Variants in DPP10 observed in about 807,000 individuals in gnomAD.
DPP10 encodes the protein dipeptidyl peptidase like 10, also known as inactive dipeptidyl peptidase 10.
In DPP10, 33 loss-of-function variants were observed where a neutral mutation model predicts 120.9. The observed-to-expected ratio is 0.27, with a 90% confidence interval of 0.21 to 0.37. The LOEUF (loss-of-function observed/expected upper bound fraction) is 0.37, where lower values mean the gene tolerates loss of function less well. DPP10 is among the 10% of genes least tolerant of loss of function. DPP10 has a pLI of 1.00. For synonymous variants in DPP10, 337 were observed against 326.1 expected (o/e 1.03, Z -0.36); for missense variants, 816 against 942.8 (o/e 0.87, Z 1.76).
chr2:114,579,922 G>A (rs943633733), intron 1 of DPP10, among the ~76,000 whole-genome samples: 1 of 152,146 alleles, frequency 6.6e-6, no homozygotes. Context: ...AAGGATGTAG[G>A]CAGCTGTTGC....
chr2:114,729,765 C>T (rs924664690), intron 1 of DPP10, among the ~76,000 whole-genome samples: 6 of 152,202 alleles, frequency 3.9e-5, no homozygotes, highest in Admixed American at 6.5e-5. Flanking sequence ...ATGTGGAACA[C>T]GTCCTCAAAC....
At chr2:115,503,968 T>C (rs2076815873) in intron 4 of DPP10, among the ~76,000 whole-genome samples, 1 of 152,124 alleles carries the variant, frequency 6.6e-6, no homozygotes, top group Non-Finnish European at 1.5e-5. Flanking sequence ...AGAAACCCTG[T>C]GATAATTAGA....
chr2:115,783,676 A>C (rs377305521), intron 17 of DPP10, among the ~76,000 whole-genome samples: 1 of 152,294 alleles, frequency 6.6e-6, no homozygotes, highest in East Asian at 1.9e-4. Flanking sequence ...CCTTAAAAAG[A>C]TTATGTTAAG....
intron 5 of DPP10, among the ~76,000 whole-genome samples, chr2:115,648,265 G>A (rs1439921740): frequency 1.3e-5 from 2 of 152,012 alleles, no homozygotes; most frequent in Non-Finnish European, 2.9e-5. Flanking sequence ...TCTGTTTAGG[G>A]TCAGGGTGGG....
At chr2:115,754,029 A>G in intron 11 of DPP10, among the ~76,000 whole-genome samples, 1 of 152,220 alleles carries the variant, frequency 6.6e-6, no homozygotes, top group East Asian at 1.9e-4. Flanking sequence ...TATACAAAAC[A>G]TCTGTTTTCA....
chr2:115,836,779 GGGTAT>G, intron 24 of DPP10, 33 bp downstream of exon 24: 1 of 1,588,690 alleles, frequency 6.3e-7, no homozygotes, highest in Non-Finnish European at 8.6e-7. Flanking sequence ...CTGTTTGATA[GGGTAT>G]GACCTTTTAC....
chr2:114,646,808 G>A (rs1696172835), intron 1 of DPP10, among the ~76,000 whole-genome samples: 1 of 152,122 alleles, frequency 6.6e-6, no homozygotes, highest in Admixed American at 6.5e-5. Context: ...TGATTTCTTG[G>A]CCTTTCTCTT....
chr2:114,929,069 G>A (rs1280530073), intron 1 of DPP10, among the ~76,000 whole-genome samples: 7 of 152,224 alleles, frequency 4.6e-5, no homozygotes, highest in South Asian at 2.1e-4. Context: ...ATCACCTATT[G>A]GTAGGTTCTG....
At position 114,948,568 on chromosome 2, in the gene DPP10, A is replaced by G. The variant is rs1250497370; in HGVS notation, c.61-360671A>G. Among the ~76,000 whole-genome samples, 7 of 152,292 alleles carry G rather than the reference A, an allele frequency of 4.6e-5. No homozygotes were observed. In the East Asian group the frequency reaches 1.2e-3, roughly 25 times the overall value. On this transcript the variant is annotated intron_variant, in intron 1 of 25. Transcript: ENST00000410059. ...TTTTTATAATTTTAAATAATTAAAC[A>G]TTTCAAAACAAAAATCTAAAATATC... is the stretch of plus-strand genomic sequence containing the variant.
chr2:115,799,790 T>C (rs1190201994), intron 19 of DPP10, among the ~76,000 whole-genome samples: 1 of 151,982 alleles, frequency 6.6e-6, no homozygotes, highest in Non-Finnish European at 1.5e-5. Flanking sequence ...CTGCATAGTA[T>C]TCCATGGTGT....
At chr2:115,318,941 A>G (rs2061929266) in intron 2 of DPP10, among the ~76,000 whole-genome samples, 1 of 152,150 alleles carries the variant, frequency 6.6e-6, no homozygotes, top group African/African-American at 2.4e-5. Flanking sequence ...TAGAATTTCC[A>G]GTACAATGCT....
chr2:115,482,506 AG>A, intron 3 of DPP10, among the ~76,000 whole-genome samples: 1 of 152,116 alleles, frequency 6.6e-6, no homozygotes, highest in Non-Finnish European at 1.5e-5. Flanking sequence ...TCATCTCCAA[AG>A]GGAAATCTAG....
At chr2:115,473,075 G>A (rs2074838452) in intron 3 of DPP10, among the ~76,000 whole-genome samples, 2 of 152,140 alleles carry the variant, frequency 1.3e-5, no homozygotes, top group Admixed American at 1.3e-4. Context: ...TGAAAATGTG[G>A]TCTAAACGTG....
At chr2:114,756,961 C>T (rs17785744) in intron 1 of DPP10, among the ~76,000 whole-genome samples, 5,028 of 152,092 alleles carry the variant, frequency 0.033, 127 homozygotes, top group Middle Eastern at 0.065. Context: ...TTACACAGTC[C>T]TCAAGGGTTT....
intron 1 of DPP10, among the ~76,000 whole-genome samples, chr2:115,174,565 A>G (rs528476754): frequency 6.6e-6 from 1 of 152,334 alleles, no homozygotes; most frequent in South Asian, 2.1e-4. Flanking sequence ...CTGTGGGCCT[A>G]TGTAATAGCA....
At chr2:114,757,759 T>G (rs1025265049) in intron 1 of DPP10, among the ~76,000 whole-genome samples, 3 of 152,158 alleles carry the variant, frequency 2.0e-5, no homozygotes, top group African/African-American at 7.2e-5. Context: ...CACCAGCAAC[T>G]CTGGGGTTAG....
intron 1 of DPP10, among the ~76,000 whole-genome samples, chr2:114,945,592 A>G (rs1574542697): frequency 6.6e-6 from 1 of 152,160 alleles, no homozygotes; most frequent in African/African-American, 2.4e-5. Context: ...AGGCGGGTGG[A>G]TCACCTGAGG....
chr2:114,476,537 C>T (rs116956679), intron 1 of DPP10, among the ~76,000 whole-genome samples: 1 of 152,094 alleles, frequency 6.6e-6, no homozygotes, highest in Admixed American at 6.6e-5. Flanking sequence ...TATGGTGGCT[C>T]TTTTTGAGAA....
rs573503170 is a variant in DPP10 at position 115,813,228 on chromosome 2, G to A, written c.1701-1565G>A. The stretch of plus-strand genomic sequence containing the variant: ...GATCTCCTGACCTCATGATCCACCC[G>A]CCTCGGCCTGACTGGATATCTTAAA... On this transcript the variant is annotated intron_variant, in intron 19 of 25. Transcript: ENST00000410059. Among the ~76,000 whole-genome samples the A allele has an allele frequency of 2.2e-3, 321 of 146,732 alleles. 13 individuals carry two copies. The highest frequency in any genetic ancestry group is 8.4e-3 in the African/African-American group (306 of 36,574).
Sources: gnomAD v4.1 joint callset for allele counts (sites outside exome capture counted in the v4.1 genomes callset) on GRCh38, gnomAD v4.1.1 for gene constraint, MANE v1.5 for transcripts, NCBI Gene and HGNC (gene_info 2026-07-23, HGNC 2026-07-21) for gene names.